The following ZNF180 variants were observed in gnomAD, a reference collection of about 807,000 sequenced individuals.
The protein encoded by ZNF180 is zinc finger protein 180 (HHZ168).
Under a neutral mutation model 11.8 loss-of-function variants are expected in ZNF180, and 11 were observed. The ratio of observed to expected loss-of-function variants is 0.93; its 90% CI spans 0.59 to 1.55. ZNF180 has a LOEUF of 1.55. Ranked by LOEUF, ZNF180 falls within the 40% of genes most tolerant of loss-of-function variation. ZNF180 has a pLI of 0.00. For synonymous variants in ZNF180, 287 were observed against 257.7 expected, an observed-to-expected ratio of 1.11 and a Z score of -1.09; for missense variants, 773 against 781.7, an observed-to-expected ratio of 0.99 and a Z score of 0.13.
At chr19:44,490,881 C>T (rs1376820071) in intron 2 of ZNF180, among the ~76,000 whole-genome samples, 1 of 152,198 alleles carries the variant, frequency 6.6e-6, no homozygotes, top group African/African-American at 2.4e-5. Flanking sequence ...CTCATCTTTC[C>T]TCAAGGTAGA....
At position 44,495,545 on chromosome 19, in the gene ZNF180, C is replaced by T. The variant is rs985477538; in HGVS notation, c.51+1739G>A. Among the ~76,000 whole-genome samples the T allele has an allele frequency of 1.4e-4, 21 of 152,146 alleles. No homozygotes were observed. Among genetic ancestry groups the T allele is most frequent in the Non-Finnish European group, 2.1e-4 (14 of 68,020 alleles). Reference sequence around the variant, plus strand: ...TGACCCCCAACACAGGTGCACATCTCACCCCACTCTGGCTCCAACACCCCA... The same window carrying T: ...TGACCCCCAACACAGGTGCACATCTTACCCCACTCTGGCTCCAACACCCCA... On this transcript the variant is annotated intron_variant, in intron 2 of 4. Coordinates refer to ENST00000592529, the MANE Select transcript of ZNF180 (RefSeq NM_001278509.3). The surrounding 1 kb of genome is among the most constrained non-coding windows in gnomAD (Gnocchi z 4.5).
In ZNF180 at chr19:44,477,621, G is replaced by C. The variant is rs1270258389; in HGVS notation, c.779C>G (p.Pro260Arg). The C allele has an allele frequency of 6.2e-7, 1 of 1,613,900 alleles. No homozygotes were observed. The highest frequency in any genetic ancestry group is 1.1e-5 in the South Asian group (1 of 91,076). Residue 260 changes from proline to arginine, a missense_variant, in exon 5 of 5, where the codon CCC (proline) becomes CGC (arginine). By Grantham distance (103) the Pro-to-Arg change is moderately radical. Transcript: ENST00000592529. ...ATGAATTTTTTCATGTATATGTAGG[G>C]GTGTACCATGGCAAAAAGATTGAAT... Reference protein sequence around the residue: ...DRIQSFCHGTPLHIHEKIHGG... With the variant: ...DRIQSFCHGTRLHIHEKIHGG...
In ZNF180 at chr19:44,476,551, A is replaced by G. The variant is rs1192159572; in HGVS notation, c.1849T>C (p.Leu617=). 1.2e-6 allele frequency: 2 copies of G among 1,613,932 alleles called. No individual in the cohort carries two copies. Among genetic ancestry groups the G allele is most frequent in the East Asian group, 4.5e-5 (2 of 44,876 alleles). ...TGATGCACAATAAGTCGAGCACTCAAGCTAAATGTTTTTCCACACTGATTA... is the reference window on the plus strand; with the variant it reads ...TGATGCACAATAAGTCGAGCACTCAGGCTAAATGTTTTTCCACACTGATTA... ...ECNQCGKTFS[L]SARLIVHQRT... The change falls in exon 5 of 5, where the codon TTG becomes CTG. Residue 617 remains leucine (L), a synonymous_variant. Transcript: ENST00000592529.
chr19:44,480,643 G>C (rs1168043654), intron 3 of ZNF180, among the ~76,000 whole-genome samples: 4 of 152,182 alleles, frequency 2.6e-5, no homozygotes, highest in Non-Finnish European at 5.9e-5. Flanking sequence ...ATGCCTTGAA[G>C]ATGGGATCCA....
At position 44,493,938 on chromosome 19, in the gene ZNF180, C is replaced by A. The variant is rs140788387; in HGVS notation, c.51+3346G>T. Among the ~76,000 whole-genome samples the A allele has an allele frequency of 2.0e-3, 307 of 152,330 alleles. 1 individual carries two copies. The highest frequency in any genetic ancestry group is 7.0e-3 in the African/African-American group (290 of 41,578). On this transcript the variant is annotated intron_variant, in intron 2 of 4. Coordinates refer to ENST00000592529, the MANE Select transcript of ZNF180 (RefSeq NM_001278509.3). The stretch of plus-strand genomic sequence containing the variant: ...AGCAGCCCAGACAACAACTTGCCTG[C>A]AACCTCATCAGGGACCCTGAGCACC...
chr19:44,477,265 C>T lies in ZNF180; in HGVS notation c.1135G>A (p.Glu379Lys), dbSNP rs985371256. Reference sequence around the variant, plus strand: ...CATTGATTACACCTGTAAGGTTTCTCTCCAGTATGAGTTCTCTGATGGGAA... The same window carrying T: ...CATTGATTACACCTGTAAGGTTTCTTTCCAGTATGAGTTCTCTGATGGGAA... Reference protein sequence around the residue: ...LVSHQRTHTGEKPYRCNQCGK... With the variant: ...LVSHQRTHTGKKPYRCNQCGK... Residue 379 changes from glutamate to lysine, a missense_variant, in exon 5 of 5, where the codon GAG becomes AAG. By Grantham distance (56) the Glu-to-Lys change is moderately conservative. Coordinates refer to ENST00000592529, the MANE Select transcript of ZNF180 (RefSeq NM_001278509.3). The T allele has an allele frequency of 1.9e-6, 3 of 1,614,054 alleles. No homozygotes were observed. Among genetic ancestry groups the T allele is most frequent in the Non-Finnish European group, 2.5e-6 (3 of 1,180,028 alleles).
chr19:44,493,868 G>A (rs1474214458), intron 2 of ZNF180, among the ~76,000 whole-genome samples: 1 of 152,158 alleles, frequency 6.6e-6, no homozygotes, highest in Non-Finnish European at 1.5e-5. Context: ...CCATCTGAGT[G>A]AGTTTGCAAC....
At position 44,474,442 on chromosome 19, in the gene ZNF180, AT is replaced by A. The variant is rs1471265209; in HGVS notation, c.*1959del. On this transcript the variant is annotated 3_prime_UTR_variant, in exon 5 of 5. Transcript: ENST00000592529. The stretch of plus-strand genomic sequence containing the variant: ...TATGAAGAATGTTCATGGCTTATAT[AT>A]TTTTTATTTTTACTTTATTTTCTAG... The A allele has an allele frequency of 6.6e-6, 1 of 152,088 alleles. No homozygotes were observed. Among genetic ancestry groups the A allele is most frequent in the Admixed American group, 6.5e-5 (1 of 15,268 alleles). The allele number at this position is 152,088 out of a possible 1,614,324, so 9.4% of individuals were successfully genotyped here.
In ZNF180 at chr19:44,474,929, A is replaced by C. The variant is rs2041146840; in HGVS notation, c.*1473T>G. ...CCAGGTGTGCAACAATCTCTGGATT[A>C]ATCCTCATAGAGATGGCTCCACTTA... On this transcript the variant is annotated 3_prime_UTR_variant, in exon 5 of 5. Transcript: ENST00000592529. 6.6e-6 allele frequency: 1 copy of C among 152,258 alleles called. No homozygotes were observed. Among genetic ancestry groups the C allele is most frequent in the African/African-American group, 2.4e-5 (1 of 41,464 alleles). The allele number at this position is 152,258 out of a possible 1,614,324, so 9.4% of individuals were successfully genotyped here.
rs149698779 is a variant in ZNF180, at chr19:44,477,023, A to G, written c.1377T>C (p.Ile459=). 25 of 1,614,094 alleles carry G rather than the reference A, an allele frequency of 1.5e-5. No individual in the cohort carries two copies. Among genetic ancestry groups the G allele is most frequent in the African/African-American group, 4.0e-5 (3 of 75,032 alleles). ...QSYKLIAHQR[I]HTGEKPYECN... ...ATTCATAGGGTTTTTCCCCAGTATGAATTCTTTGATGTGCAATAAGTTTAT... is the reference window on the plus strand; with the variant it reads ...ATTCATAGGGTTTTTCCCCAGTATGGATTCTTTGATGTGCAATAAGTTTAT... The change falls in exon 5 of 5, where the codon ATT becomes ATC. Residue 459 remains isoleucine, a synonymous_variant. Transcript: ENST00000592529.
Position 44,495,549 on chromosome 19 carries a change from C to G in ZNF180, c.51+1735G>C, listed in dbSNP as rs1423853264. Among the ~76,000 whole-genome samples, 1 of 152,112 alleles carries G rather than the reference C, an allele frequency of 6.6e-6. No individual in the cohort carries two copies. Among genetic ancestry groups the G allele is most frequent in the African/African-American group, 2.4e-5 (1 of 41,408 alleles). ...CCCCAACACAGGTGCACATCTCACCCCACTCTGGCTCCAACACCCCATCTA... is the reference window on the plus strand; with the variant it reads ...CCCCAACACAGGTGCACATCTCACCGCACTCTGGCTCCAACACCCCATCTA... On this transcript the variant is annotated intron_variant, in intron 2 of 4. Transcript: ENST00000592529. This position sits in a 1 kb window ranked among gnomAD's most constrained non-coding sequence, Gnocchi z 4.5.
chr19:44,477,898 T>C lies in ZNF180; in HGVS notation c.502A>G (p.Thr168Ala), dbSNP rs781389607. The change falls in exon 5 of 5, where the codon ACT (threonine) becomes GCT (alanine). Residue 168 changes from threonine to alanine, a missense_variant. Transcript: ENST00000592529. The stretch of plus-strand genomic sequence containing the variant: ...GAATTCAGACCACTCTTCTCCCCAG[T>C]TTCATCACTTTTGCAGACTCTCTCA... ...IHERVCKSDE[T>A]GEKSGLNSSL... The C allele has an allele frequency of 1.2e-6, 2 of 1,613,942 alleles. No individual in the cohort carries two copies. Among genetic ancestry groups the C allele is most frequent in the African/African-American group, 2.7e-5 (2 of 75,052 alleles).
At chr19:44,479,186 A>G (rs1600070967) in intron 4 of ZNF180, 97 bp downstream of exon 4, 2 of 1,465,326 alleles carry the variant, frequency 1.4e-6, no homozygotes, top group Non-Finnish European at 1.8e-6. Context: ...GATGCAGCCA[A>G]AATCATTCTG....
intron 1 of ZNF180, among the ~76,000 whole-genome samples, chr19:44,497,764 C>T (rs945423182): frequency 1.3e-5 from 2 of 152,136 alleles, no homozygotes; most frequent in Non-Finnish European, 2.9e-5. Context: ...GTGTTCACCC[C>T]ATCCTACCCC....
chr19:44,483,995 CTTTTTTT>C (rs66671115), intron 3 of ZNF180, among the ~76,000 whole-genome samples: 26 of 136,814 alleles, frequency 1.9e-4, no homozygotes, highest in East Asian at 4.2e-4. Context: ...TTCTTTCTTT[CTTTTTTT>C]TTTTTTTTTT....
rs1969822081 is a variant in ZNF180 at position 44,474,956 on chromosome 19, G to A, written c.*1446C>T. 1 of 152,150 alleles carries A rather than the reference G, an allele frequency of 6.6e-6. No individual in the cohort carries two copies. Among genetic ancestry groups the A allele is most frequent in the African/African-American group, 2.4e-5 (1 of 41,424 alleles). The allele number at this position is 152,150 out of a possible 1,614,324, so 9.4% of individuals were successfully genotyped here. ...TCCTCATAGAGATGGCTCCACTTAG[G>A]GTCATCTCATAGGGATAGAATTTTG... On this transcript the variant is annotated 3_prime_UTR_variant, in exon 5 of 5. Transcript: ENST00000592529.
rs1440900744 is a variant in ZNF180 at position 44,500,255 on chromosome 19, T to C, written c.-44+20A>G. 3.1e-6 allele frequency: 5 copies of C among 1,613,610 alleles called. No homozygotes were observed. Among genetic ancestry groups the C allele is most frequent in the East Asian group, 2.2e-5 (1 of 44,882 alleles). On this transcript the variant is annotated intron_variant, in intron 1 of 4. Transcript: ENST00000592529. Reference sequence around the variant, plus strand: ...CATGCGCGCATCGGACACCAAGCGCTGCCCCACGCCCCTACCAACCTGGGC... The same window carrying C: ...CATGCGCGCATCGGACACCAAGCGCCGCCCCACGCCCCTACCAACCTGGGC...
chr19:44,479,268 G>C lies in ZNF180; in HGVS notation c.253+15C>G. On this transcript the variant is annotated intron_variant, in intron 4 of 4. Coordinates refer to ENST00000592529, the MANE Select transcript of ZNF180 (RefSeq NM_001278509.3). ...TCAGTAGATGGATCTTCATTAAAGA[G>C]GAGTGTATTCTTACCCCAAGAGACT... 6.2e-7 allele frequency: 1 copy of C among 1,608,308 alleles called. No individual in the cohort carries two copies. The highest frequency in any genetic ancestry group is 8.5e-7 in the Non-Finnish European group (1 of 1,178,176).
rs778343281 is a variant in ZNF180, at chr19:44,477,540, A to G, written c.860T>C (p.Ile287Thr). The G allele has an allele frequency of 5.0e-6, 8 of 1,614,020 alleles. No homozygotes were observed. The highest frequency in any genetic ancestry group is 6.8e-6 in the Non-Finnish European group (8 of 1,180,018). ...KECGQVLNPK[I>T]SHNEQQRIPF... The stretch of plus-strand genomic sequence containing the variant: ...AATTCTCTGTTGTTCATTATGGGAT[A>G]TTTTGGGGTTCAAAACCTGCCCACA... Residue 287 changes from isoleucine (I) to threonine (T), a missense_variant, in exon 5 of 5, where the codon ATA (isoleucine) becomes ACA (threonine). By Grantham distance (89) the Ile-to-Thr change is moderately conservative. Transcript: ENST00000592529.
Sources: allele counts gnomAD v4.1 joint callset (sites outside exome capture counted in the v4.1 genomes callset), GRCh38; gene constraint gnomAD v4.1.1; non-coding constraint Gnocchi (gnomAD v3.1); transcripts MANE v1.5; gene names NCBI Gene and HGNC (gene_info 2026-07-23, HGNC 2026-07-21).